FABP6: variants seen among roughly 807,000 people sequenced by gnomAD.
FABP6 encodes fatty acid binding protein 6.
Under a neutral mutation model 14.9 loss-of-function variants are expected in FABP6, and 13 were observed. That is an observed-to-expected ratio of 0.87 (90% confidence interval 0.57 to 1.39). FABP6 has a LOEUF of 1.39. Ranked by LOEUF, FABP6 falls within the 40% of genes most tolerant of loss-of-function variation. FABP6 has a pLI of 0.00. For synonymous variants in FABP6, 75 were observed against 63.6 expected, an observed-to-expected ratio of 1.18 and a Z score of -0.85; for missense variants, 161 against 167.2, an observed-to-expected ratio of 0.96 and a Z score of 0.20.
chr5:160,237,444 G>A (rs894031094), intron 3 of FABP6, among the ~76,000 whole-genome samples: 6 of 152,094 alleles, frequency 3.9e-5, no homozygotes, highest in Admixed American at 3.9e-4. Flanking sequence ...GAGAGGAGCT[G>A]TCTTGATTGC....
rs115109709 is a variant in FABP6 at position 160,213,917 on chromosome 5, C to T, written c.135+98C>T. ...AGACTTTGTGTCCTATCCCTGGGCT[C>T]CTTGAGATCCTTCTGCATTGTTAGA... is the stretch of plus-strand genomic sequence containing the variant. On this transcript the variant is annotated intron_variant, in intron 3 of 6. Coordinates refer to the FABP6 transcript ENST00000393980. 5.5e-3 allele frequency: 5,166 copies of T among 946,974 alleles called. 50 individuals carry two copies. The highest frequency in any genetic ancestry group is 0.022 in the South Asian group (1,639 of 74,172). 58.7% of individuals were successfully genotyped at this position (946,974 alleles called of 1,614,324 possible). A position where few individuals can be genotyped will look rare whatever the true frequency, so the allele number is the denominator to read the frequency against.
At chr5:160,191,297 C>G (rs1291027985) in intron 1 of FABP6, among the ~76,000 whole-genome samples, 1 of 152,014 alleles carries the variant, frequency 6.6e-6, no homozygotes. Flanking sequence ...GACACCCCGT[C>G]TTTACTAAAA....
intron 1 of FABP6, among the ~76,000 whole-genome samples, chr5:160,195,477 C>G (rs2113061477): frequency 6.6e-6 from 1 of 152,110 alleles, no homozygotes; most frequent in African/African-American, 2.4e-5. Flanking sequence ...CTTTTTGAGA[C>G]AGGGACACGT....
intron 2 of FABP6, among the ~76,000 whole-genome samples, chr5:160,207,203 G>C (rs190332604): frequency 6.6e-6 from 1 of 152,176 alleles, no homozygotes; most frequent in Non-Finnish European, 1.5e-5. Context: ...TAGGGAAATG[G>C]GCAAGGGCCA....
chr5:160,213,365 G>A (rs1759933291), intron 2 of FABP6, among the ~76,000 whole-genome samples: 1 of 152,200 alleles, frequency 6.6e-6, no homozygotes, highest in African/African-American at 2.4e-5. Context: ...TCTGGTGGTG[G>A]TGGCCATATT....
At chr5:160,229,453 C>T, upstream of FABP6, 1 of 1,579,968 alleles carries the variant, frequency 6.3e-7, no homozygotes, top group Non-Finnish European at 8.6e-7. Flanking sequence ...GACTTAGGGG[C>T]TGAGCCTCAG....
At chr5:160,219,261 C>G (rs776407054) in intron 3 of FABP6, among the ~76,000 whole-genome samples, 45 of 152,172 alleles carry the variant, frequency 3.0e-4, no homozygotes, top group Middle Eastern at 3.2e-3. Context: ...TATTCCCACC[C>G]CCTTCTCCAG....
intron 2 of FABP6, among the ~76,000 whole-genome samples, chr5:160,201,988 T>C (rs1473682457): frequency 6.6e-6 from 1 of 152,182 alleles, no homozygotes; most frequent in East Asian, 1.9e-4. Context: ...GGTCTTGAAC[T>C]CCTGGGCTCA....
intron 3 of FABP6, among the ~76,000 whole-genome samples, chr5:160,217,925 G>A (rs2113115428): frequency 6.6e-6 from 1 of 152,180 alleles, no homozygotes; most frequent in South Asian, 2.1e-4. Context: ...TTACAGGCAT[G>A]AGCCTCTGTG....
chr5:160,193,819 C>T (rs1362995367), intron 1 of FABP6, among the ~76,000 whole-genome samples: 1 of 152,258 alleles, frequency 6.6e-6, no homozygotes, highest in Non-Finnish European at 1.5e-5. Context: ...GACTCAGGAG[C>T]CCAGCTGGCT....
chr5:160,236,459 G>A lies in FABP6; in HGVS notation c.333+1550G>A, dbSNP rs114891689. Among the ~76,000 whole-genome samples the A allele has an allele frequency of 4.0e-3, 616 of 152,170 alleles. 3 individuals carry two copies. The highest frequency in any genetic ancestry group is 0.014 in the African/African-American group (570 of 41,524). The stretch of plus-strand genomic sequence containing the variant: ...ATGGGTTTGGTGGGGGGACACACGC[G>A]CAGTCCATAAGATGGCCCAAGAGGT... On this transcript the variant is annotated intron_variant, in intron 3 of 3. Coordinates refer to ENST00000402432, the MANE Select transcript of FABP6 (RefSeq NM_001445.3).
intron 1 of FABP6, among the ~76,000 whole-genome samples, chr5:160,189,851 C>T (rs1013058311): frequency 1.3e-5 from 2 of 152,206 alleles, no homozygotes; most frequent in African/African-American, 4.8e-5. Flanking sequence ...GTATGCTCAG[C>T]AGAAGATGTG....
chr5:160,224,793 T>A (rs1760206237), upstream of FABP6, among the ~76,000 whole-genome samples: 1 of 91,246 alleles, frequency 1.1e-5, no homozygotes, highest in Non-Finnish European at 2.2e-5. Context: ...TTTCTTTTTT[T>A]TTTTGAGACA....
chr5:160,198,309 C>T (rs148846311), intron 1 of FABP6: 1,647 of 152,536 alleles, frequency 0.011, 17 homozygotes, highest in Middle Eastern at 0.017. Flanking sequence ...CTTTGCTCTC[C>T]CTGTCCCCCA....
chr5:160,238,503 A>T (rs1760567527), intron 3 of FABP6, 103 bp from the exon 4 acceptor site: 1 of 968,786 alleles, frequency 1.0e-6, no homozygotes, highest in Non-Finnish European at 1.7e-6. Flanking sequence ...CCTGACTCTT[A>T]TCTACTCAAG....
chr5:160,211,940 A>AAAC (rs1249423410), intron 2 of FABP6, among the ~76,000 whole-genome samples: 1 of 151,930 alleles, frequency 6.6e-6, no homozygotes, highest in Non-Finnish European at 1.5e-5. Context: ...TCAGATAGAA[A>AAAC]AACAACAACA....
intron 3 of FABP6, among the ~76,000 whole-genome samples, chr5:160,238,400 T>C (rs1434765166): frequency 1.3e-5 from 2 of 152,152 alleles, no homozygotes; most frequent in African/African-American, 4.8e-5. Context: ...CAGAGCCACA[T>C]CACCCCTCAC....
Position 160,209,782 on chromosome 5 carries a change from C to T in FABP6, c.52-3954C>T, listed in dbSNP as rs146139305. ...CCTAGGCTGGTCTTAAACTCCTGGC[C>T]GGAAGTGATTCCCCAGCCTTGGCCT... On this transcript the variant is annotated intron_variant, in intron 2 of 6. Coordinates refer to the FABP6 transcript ENST00000393980. Among the ~76,000 whole-genome samples the T allele has an allele frequency of 7.2e-4, 110 of 152,122 alleles. 1 individual carries two copies. The East Asian group carries it at 0.016, about 22-fold the overall frequency.
At chr5:160,229,093 T>TAAACCA (rs1262356003), upstream of FABP6, among the ~76,000 whole-genome samples, 1 of 152,232 alleles carries the variant, frequency 6.6e-6, no homozygotes, top group East Asian at 1.9e-4. Context: ...GTCTCTGGAC[T>TAAACCA]AAACCAAAGG....
Sources: gnomAD v4.1 joint callset for allele counts (sites outside exome capture counted in the v4.1 genomes callset) on GRCh38, gnomAD v4.1.1 for gene constraint, MANE v1.5 for transcripts, NCBI Gene and HGNC (gene_info 2026-07-23, HGNC 2026-07-21) for gene names.